The following CD2AP variants were observed in gnomAD, a reference collection of about 807,000 sequenced individuals.
The protein encoded by CD2AP is CD2-associated protein.
Under a neutral mutation model 85.1 loss-of-function variants are expected in CD2AP, and 46 were observed. The ratio of observed to expected loss-of-function variants is 0.54; its 90% CI spans 0.43 to 0.69. The LOEUF (loss-of-function observed/expected upper bound fraction) is 0.69, where lower values mean the gene tolerates loss of function less well. Ranked by LOEUF, CD2AP falls within the 30% of genes least tolerant of loss-of-function variation. The pLI is 0.00. For synonymous variants in CD2AP, 255 were observed against 252.9 expected (o/e 1.01, Z -0.08); for missense variants, 769 against 729.5 (o/e 1.05, Z -0.62).
chr6:47,599,284 T>C lies in CD2AP; in HGVS notation c.1275-17T>C. 6.2e-7 allele frequency: 1 copy of C among 1,609,478 alleles called. No homozygotes were observed. Among genetic ancestry groups the C allele is most frequent in the Non-Finnish European group, 8.5e-7 (1 of 1,176,778 alleles). On this transcript the variant is annotated splice_polypyrimidine_tract_variant and intron_variant, in intron 12 of 17. Coordinates refer to ENST00000359314, the MANE Select transcript of CD2AP (RefSeq NM_012120.3). Reference sequence around the variant, plus strand: ...GTTTCATACTAGTGATTTTTGCGTGTTTTTTTCTTATTTCAGGATTAATGG... The same window carrying C: ...GTTTCATACTAGTGATTTTTGCGTGCTTTTTTCTTATTTCAGGATTAATGG...
rs1398191858 is a variant in CD2AP, at chr6:47,607,970, A to G, written c.1574A>G (p.Glu525Gly). Residue 525 changes from glutamate (E) to glycine (G), a missense_variant, in exon 15 of 18, where the codon GAA becomes GGA. Transcript: ENST00000359314. Reference sequence around the variant, plus strand: ...AAAATCTTGAAGTTACCAAAAGAAGAAGACAGTGCCAACCTGAAGCCATCT... The same window carrying G: ...AAAATCTTGAAGTTACCAAAAGAAGGAGACAGTGCCAACCTGAAGCCATCT... Reference protein sequence around the residue: ...PEKILKLPKEEDSANLKPSEL... With the variant: ...PEKILKLPKEGDSANLKPSEL... 3.1e-6 allele frequency: 5 copies of G among 1,613,024 alleles called. No homozygotes were observed. In the South Asian group the frequency reaches 5.5e-5, roughly 18 times the overall value.
At chr6:47,551,638 A>T (rs982908449) in intron 4 of CD2AP, among the ~76,000 whole-genome samples, 1 of 152,206 alleles carries the variant, frequency 6.6e-6, no homozygotes, top group Non-Finnish European at 1.5e-5. Context: ...AAGCCATCCC[A>T]AACTTGGTGG....
At chr6:47,596,068 A>G in intron 12 of CD2AP, 42 bp downstream of exon 12, 3 of 1,419,552 alleles carry the variant, frequency 2.1e-6, no homozygotes, top group Non-Finnish European at 3.0e-6. Context: ...TGATTTACTC[A>G]CCTTTGACCT....
intron 10 of CD2AP, 30 bp downstream of exon 10, chr6:47,580,930 TA>T (rs1768461300): frequency 6.5e-7 from 1 of 1,530,426 alleles, no homozygotes; most frequent in African/African-American, 1.4e-5. Context: ...TTCAGTTTGC[TA>T]TTTTCCATTT....
chr6:47,513,580 C>A (rs190588967), intron 2 of CD2AP, among the ~76,000 whole-genome samples: 75 of 152,032 alleles, frequency 4.9e-4, no homozygotes, highest in African/African-American at 1.7e-3. Context: ...TTTAAGACTG[C>A]ACATACAGTA....
chr6:47,610,972 T>TATATATA (rs1491427733), intron 16 of CD2AP, among the ~76,000 whole-genome samples: 2,216 of 56,036 alleles, frequency 0.04, 67 homozygotes, highest in Non-Finnish European at 0.051. Context: ...TATATATGTA[T>TATATATA]TTTTTTTTTT....
At chr6:47,534,915 C>T in intron 3 of CD2AP, among the ~76,000 whole-genome samples, 1 of 130,462 alleles carries the variant, frequency 7.7e-6, no homozygotes, top group South Asian at 2.8e-4. Flanking sequence ...CCATTTCAGG[C>T]TACTGAGTAG....
At chr6:47,505,569 T>C (rs61939217) in intron 2 of CD2AP, among the ~76,000 whole-genome samples, 25 of 127,346 alleles carry the variant, frequency 2.0e-4, no homozygotes, top group Middle Eastern at 3.9e-3. Context: ...GGGTGGTGGC[T>C]GGGCAGAGGC....
chr6:47,610,261 T>G (rs1308873446), intron 16 of CD2AP, among the ~76,000 whole-genome samples: 1 of 152,134 alleles, frequency 6.6e-6, no homozygotes, highest in African/African-American at 2.4e-5. Context: ...TAAAACTTGT[T>G]CACATTTTAA....
chr6:47,495,182 G>T (rs968220242), intron 1 of CD2AP, among the ~76,000 whole-genome samples: 4 of 152,120 alleles, frequency 2.6e-5, no homozygotes, highest in African/African-American at 9.6e-5. Flanking sequence ...GAGAGAAATA[G>T]TCTTTTCAGG....
chr6:47,579,334 TA>T (rs34735056), intron 8 of CD2AP, 50 bp from the exon 9 acceptor site: 1,270 of 801,504 alleles, frequency 1.6e-3, no homozygotes, highest in African/African-American at 6.9e-3. Flanking sequence ...CACTTTATCT[TA>T]AAAAAAAAAA....
chr6:47,553,413 C>G (rs1403412356), intron 4 of CD2AP, among the ~76,000 whole-genome samples: 1 of 149,684 alleles, frequency 6.7e-6, no homozygotes, highest in East Asian at 2.0e-4. Context: ...GTGGCGCCAT[C>G]TCAGCTCACT....
intron 8 of CD2AP, among the ~76,000 whole-genome samples, chr6:47,577,610 G>A (rs1439198817): frequency 6.6e-6 from 1 of 152,168 alleles, no homozygotes; most frequent in Non-Finnish European, 1.5e-5. Flanking sequence ...AAATCCTAAT[G>A]CAAAATAAAG....
At chr6:47,591,118 C>T (rs571914830) in intron 11 of CD2AP, among the ~76,000 whole-genome samples, 25 of 151,458 alleles carry the variant, frequency 1.7e-4, no homozygotes, top group African/African-American at 6.1e-4. Flanking sequence ...ACCATGTTAC[C>T]ACGTAGCAAC....
chr6:47,555,113 A>G (rs953439705), intron 5 of CD2AP, among the ~76,000 whole-genome samples: 3 of 152,194 alleles, frequency 2.0e-5, no homozygotes, highest in African/African-American at 7.2e-5. Context: ...AATACTTCAG[A>G]AATTTTAGAA....
intron 5 of CD2AP, chr6:47,562,753 T>G: frequency 1.1e-6 from 1 of 873,420 alleles, no homozygotes; most frequent in Non-Finnish European, 1.9e-6. Context: ...CTTAGACAAG[T>G]GGCAAGCTCA....
intron 17 of CD2AP, among the ~76,000 whole-genome samples, chr6:47,613,396 G>A (rs1769498686): frequency 6.6e-6 from 1 of 152,156 alleles, no homozygotes; most frequent in African/African-American, 2.4e-5. Context: ...GCTACAGAAT[G>A]GATGTTGTGT....
intron 5 of CD2AP, among the ~76,000 whole-genome samples, chr6:47,570,875 G>T (rs1768129556): frequency 6.6e-6 from 1 of 152,184 alleles, no homozygotes; most frequent in African/African-American, 2.4e-5. Flanking sequence ...AGCAAACGTG[G>T]TAGTAAAATT....
At chr6:47,580,807 T>G (rs1305662402) in intron 9 of CD2AP, 57 bp from the exon 10 acceptor site, 1 of 1,198,478 alleles carries the variant, frequency 8.3e-7, no homozygotes, top group Non-Finnish European at 1.2e-6. Context: ...TAGAGTTTAT[T>G]TTAACTATAT....
Sources: allele counts gnomAD v4.1 joint callset (sites outside exome capture counted in the v4.1 genomes callset), GRCh38; gene constraint gnomAD v4.1.1; transcripts MANE v1.5; gene names NCBI Gene and HGNC (gene_info 2026-07-23, HGNC 2026-07-21).